The following OCM variants were observed in gnomAD, a reference collection of about 807,000 sequenced individuals.
The protein encoded by OCM is oncomodulin-1.
In OCM, 18 loss-of-function variants were observed where a neutral mutation model predicts 14.1. That is an observed-to-expected ratio of 1.28 (90% CI 0.88 to 1.89). The LOEUF (loss-of-function observed/expected upper bound fraction) is 1.89. Among genes scored for constraint, OCM ranks in the 40% most tolerant of loss-of-function variants. OCM has a pLI of 0.00. For missense variants in OCM, 140 were observed against 137.6 expected, an observed-to-expected ratio of 1.02 and a Z score of -0.09; for synonymous variants, 48 against 51.0, an observed-to-expected ratio of 0.94 and a Z score of 0.25.
chr7:5,860,951 G>T, the OCM span, among the ~76,000 whole-genome samples: 4 of 151,882 alleles, frequency 2.6e-5, no homozygotes, highest in African/African-American at 7.2e-5. Context: ...AGCAAAAACA[G>T]CAAGAACAGG....
upstream of OCM, among the ~76,000 whole-genome samples, chr7:5,876,430 C>T (rs1265452905): frequency 6.6e-6 from 1 of 152,204 alleles, no homozygotes; most frequent in Non-Finnish European, 1.5e-5. Flanking sequence ...AGATTACAGG[C>T]ATGAGCCACC....
chr7:5,864,761 C>G, the OCM span, among the ~76,000 whole-genome samples: 1 of 151,792 alleles, frequency 6.6e-6, no homozygotes, highest in South Asian at 2.1e-4. Flanking sequence ...TTGAGACCAG[C>G]AACCCCATCT....
the OCM span, among the ~76,000 whole-genome samples, chr7:5,863,297 C>T: frequency 6.6e-6 from 1 of 152,084 alleles, no homozygotes; most frequent in African/African-American, 2.4e-5. Context: ...GGCTGATGTT[C>T]CTCCCGGGCG....
At chr7:5,874,059 TAA>T in the OCM span, among the ~76,000 whole-genome samples, 2 of 131,860 alleles carry the variant, frequency 1.5e-5, no homozygotes, top group Non-Finnish European at 1.6e-5. Context: ...CTACTAAAAA[TAA>T]AAAAAAAAAA....
chr7:5,884,090 A>C, intron 3 of OCM, 91 bp downstream of exon 3: 1 of 1,431,394 alleles, frequency 7.0e-7, no homozygotes, highest in Non-Finnish European at 9.4e-7. Flanking sequence ...ATGTGGCTTA[A>C]AATCTCCCTT....
the OCM span, among the ~76,000 whole-genome samples, chr7:5,864,709 C>G: frequency 6.6e-6 from 1 of 152,092 alleles, no homozygotes; most frequent in African/African-American, 2.4e-5. Flanking sequence ...AATCCCAGCA[C>G]TTTGGGAGGC....
At chr7:5,877,312 C>CA (rs145009900), upstream of OCM, among the ~76,000 whole-genome samples, 9,506 of 149,616 alleles carry the variant, frequency 0.064, 499 homozygotes, top group East Asian at 0.25. Context: ...CAAAAAAATA[C>CA]AAAAAATTAG....
At chr7:5,865,182 C>G in the OCM span, among the ~76,000 whole-genome samples, 2 of 151,908 alleles carry the variant, frequency 1.3e-5, no homozygotes, top group Admixed American at 6.6e-5. Flanking sequence ...TCGGGGCCGA[C>G]GAGTAGTGTG....
At chr7:5,869,201 G>T in the OCM span, among the ~76,000 whole-genome samples, 6 of 152,210 alleles carry the variant, frequency 3.9e-5, no homozygotes, top group African/African-American at 1.4e-4. Flanking sequence ...GAGGAACTCA[G>T]GAAGCATGAG....
chr7:5,860,829 C>G, the OCM span, among the ~76,000 whole-genome samples: 1 of 136,772 alleles, frequency 7.3e-6, no homozygotes, highest in African/African-American at 2.6e-5. Flanking sequence ...TATATATACA[C>G]ACACACATAT....
At chr7:5,862,232 G>A in the OCM span, among the ~76,000 whole-genome samples, 1 of 152,140 alleles carries the variant, frequency 6.6e-6, no homozygotes, top group African/African-American at 2.4e-5. Flanking sequence ...CTATGCCAAA[G>A]AGAAAGTCAA....
the OCM span, among the ~76,000 whole-genome samples, chr7:5,862,234 G>A: frequency 6.6e-6 from 1 of 152,140 alleles, no homozygotes; most frequent in Non-Finnish European, 1.5e-5. Context: ...ATGCCAAAGA[G>A]AAAGTCAAGC....
At chr7:5,867,691 T>C in the OCM span, among the ~76,000 whole-genome samples, 3 of 152,084 alleles carry the variant, frequency 2.0e-5, no homozygotes, top group Admixed American at 1.3e-4. Flanking sequence ...CAGAATTGTT[T>C]CTCTCTGTGT....
At chr7:5,864,368 A>G in the OCM span, among the ~76,000 whole-genome samples, 8 of 150,894 alleles carry the variant, frequency 5.3e-5, no homozygotes, top group Middle Eastern at 3.4e-3. Context: ...AAAAGGAAGA[A>G]TGACCTTCAC....
At chr7:5,860,195 C>T in the OCM span, among the ~76,000 whole-genome samples, 2 of 151,834 alleles carry the variant, frequency 1.3e-5, no homozygotes, top group East Asian at 3.9e-4. Context: ...CTTAAGTCTT[C>T]ATTAAATGTT....
intron 1 of OCM, among the ~76,000 whole-genome samples, chr7:5,881,932 C>G (rs1219638073): frequency 6.6e-6 from 1 of 151,410 alleles, no homozygotes; most frequent in Non-Finnish European, 1.5e-5. Context: ...ATTAAAAATA[C>G]AAAAATGAGC....
intron 3 of OCM, among the ~76,000 whole-genome samples, chr7:5,885,727 CA>C (rs1335428133): frequency 1.3e-5 from 2 of 151,780 alleles, no homozygotes; most frequent in Admixed American, 6.6e-5. Flanking sequence ...TCTCCTGCCT[CA>C]GCCTCCCAAG....
In OCM at chr7:5,880,955, AG is replaced by A. The variant is rs759434576; in HGVS notation, c.61+9del. ...CAGCGCTCCAGGAATGCCGAGGTAG[AG>A]GGGACGTGAGGCGGGGGTGGGATTT... is the stretch of plus-strand genomic sequence containing the variant. On this transcript the variant is annotated splice_donor_region_variant and intron_variant, in intron 1 of 3. Coordinates refer to ENST00000242104, the MANE Select transcript of OCM (RefSeq NM_001097622.2). The A allele has an allele frequency of 2.1e-5, 28 of 1,350,944 alleles. No homozygotes were observed. In the South Asian group the frequency reaches 3.2e-4, roughly 16 times the overall value. 83.7% of individuals were successfully genotyped at this position (1,350,944 alleles called of 1,614,324 possible).
the OCM span, among the ~76,000 whole-genome samples, chr7:5,873,825 G>A: frequency 1.3e-5 from 2 of 152,040 alleles, no homozygotes; most frequent in Admixed American, 1.3e-4. Flanking sequence ...AGTGATGTCT[G>A]TTGAGAGAAC....
Sources: gnomAD v4.1 joint callset for allele counts (sites outside exome capture counted in the v4.1 genomes callset) on GRCh38, gnomAD v4.1.1 for gene constraint, MANE v1.5 for transcripts, NCBI Gene and HGNC (gene_info 2026-07-23, HGNC 2026-07-21) for gene names.